TRIP4: variants seen among roughly 807,000 people sequenced by gnomAD.
TRIP4 encodes activating signal cointegrator 1.
Under a neutral mutation model 81.8 loss-of-function variants are expected in TRIP4, and 54 were observed. That is an observed-to-expected ratio of 0.66 (90% CI 0.53 to 0.83). The LOEUF (loss-of-function observed/expected upper bound fraction) is 0.83. TRIP4 is among the 40% of genes least tolerant of loss of function. The pLI, the probability that TRIP4 is intolerant of heterozygous loss-of-function variation, is 0.00. For missense variants in TRIP4, 662 were observed against 683.6 expected (o/e 0.97, Z 0.35); for synonymous variants, 270 against 242.8 (o/e 1.11, Z -1.04).
intron 1 of TRIP4, chr15:64,393,415 C>T (rs1253833703): frequency 6.6e-6 from 1 of 151,738 alleles, no homozygotes; most frequent in Non-Finnish European, 1.5e-5. Flanking sequence ...CCTCGGCCTC[C>T]CAAAGTGCTG....
intron 12 of TRIP4, chr15:64,450,651 C>G (rs1892737695): frequency 2.2e-6 from 1 of 455,674 alleles, no homozygotes; most frequent in Non-Finnish European, 4.4e-6. Context: ...TGGCAAATGT[C>G]TGATTTTTTT....
At chr15:64,392,905 G>A (rs940106738) in intron 1 of TRIP4, among the ~76,000 whole-genome samples, 7 of 151,946 alleles carry the variant, frequency 4.6e-5, no homozygotes, top group Admixed American at 2.6e-4. Context: ...ATGGGCTCCC[G>A]AACCCAGACA....
At chr15:64,388,253 G>T (rs1236677964) in intron 1 of TRIP4, among the ~76,000 whole-genome samples, 1 of 152,130 alleles carries the variant, frequency 6.6e-6, no homozygotes, top group Non-Finnish European at 1.5e-5. Context: ...CTAGAGAGAA[G>T]GGGCAGGTCA....
intron 10 of TRIP4, 146 bp from the exon 11 acceptor site, chr15:64,425,394 C>A: frequency 1.4e-6 from 1 of 716,676 alleles, no homozygotes; most frequent in Admixed American, 3.1e-5. Flanking sequence ...AACAGTTGTG[C>A]CAAGTAAATT....
intron 11 of TRIP4, among the ~76,000 whole-genome samples, chr15:64,436,626 T>TTCCCTAACCCCAGCCCATTTCC (rs1892406867): frequency 1.3e-5 from 2 of 150,654 alleles, no homozygotes; most frequent in African/African-American, 4.9e-5. Flanking sequence ...CTCTGAAGTC[T>TTCCCTAACCCCAGCCCATTTCC]TCCCTAACCC....
At position 64,387,904 on chromosome 15, in the gene TRIP4, A is replaced by G. The variant is rs560723106; in HGVS notation, c.41A>G (p.His14Arg). The G allele has an allele frequency of 1.2e-5, 18 of 1,550,426 alleles. No individual in the cohort carries two copies. The highest frequency in any genetic ancestry group is 2.0e-5 in the Admixed American group (1 of 50,942). Residue 14 changes from histidine to arginine, a missense_variant, in exon 1 of 13, where the codon CAC (histidine) becomes CGC (arginine). His to Arg is a conservative substitution (Grantham distance 29). Transcript: ENST00000261884. ...AGAVSGEPLV[H>R]WCTQQLRKTF... Reference sequence around the variant, plus strand: ...GCGGTGTCCGGGGAGCCGCTGGTGCACTGGTGCACCCAGCAGTTGCGGAAG... The same window carrying G: ...GCGGTGTCCGGGGAGCCGCTGGTGCGCTGGTGCACCCAGCAGTTGCGGAAG...
chr15:64,433,481 G>A (rs972966706), intron 11 of TRIP4, among the ~76,000 whole-genome samples: 4 of 152,146 alleles, frequency 2.6e-5, no homozygotes, highest in African/African-American at 9.7e-5. Context: ...ATGTGCACCT[G>A]TAATCCCAGC....
intron 4 of TRIP4, among the ~76,000 whole-genome samples, chr15:64,398,026 G>A (rs1405291449): frequency 6.6e-6 from 1 of 151,694 alleles, no homozygotes; most frequent in Admixed American, 6.6e-5. Flanking sequence ...TCAGCCTCCC[G>A]AGCAGCTGGA....
At chr15:64,398,092 G>A (rs769422195) in intron 4 of TRIP4, among the ~76,000 whole-genome samples, 1 of 151,952 alleles carries the variant, frequency 6.6e-6, no homozygotes, top group East Asian at 1.9e-4. Flanking sequence ...TATTAGAGAC[G>A]GGATTTTACA....
intron 11 of TRIP4, among the ~76,000 whole-genome samples, chr15:64,442,395 G>T (rs1437356700): frequency 3.9e-5 from 6 of 152,054 alleles, no homozygotes; most frequent in African/African-American, 1.4e-4. Flanking sequence ...TTGAGACAGG[G>T]TCTCACTCTG....
At chr15:64,429,103 C>G (rs1004144402) in intron 11 of TRIP4, among the ~76,000 whole-genome samples, 3 of 151,532 alleles carry the variant, frequency 2.0e-5, no homozygotes, top group African/African-American at 7.3e-5. Context: ...TCACTTGAGG[C>G]TAGGAGTTCG....
chr15:64,388,790 C>T (rs1900030322), intron 1 of TRIP4, among the ~76,000 whole-genome samples: 1 of 152,182 alleles, frequency 6.6e-6, no homozygotes, highest in Non-Finnish European at 1.5e-5. Context: ...CCCAGGACAA[C>T]TTAATTTTTC....
Position 64,387,872 on chromosome 15 carries a change from G to A in TRIP4, c.9G>A (p.Val3=), listed in dbSNP as rs1303238736. Residue 3 remains valine, a synonymous_variant, in exon 1 of 13, where the codon GTG becomes GTA. Coordinates refer to ENST00000261884, the MANE Select transcript of TRIP4 (RefSeq NM_016213.5). ...GGTTCCGGCTGGGGAAGATGGCGGT[G>A]GCTGGGGCGGTGTCCGGGGAGCCGC... is the stretch of plus-strand genomic sequence containing the variant. MA[V]AGAVSGEPLV... 6.5e-7 allele frequency: 1 copy of A among 1,546,578 alleles called. No individual in the cohort carries two copies. Among genetic ancestry groups the A allele is most frequent in the Non-Finnish European group, 8.7e-7 (1 of 1,146,794 alleles).
At chr15:64,400,846 T>A in intron 5 of TRIP4, 25 bp downstream of exon 5, 1 of 1,587,444 alleles carries the variant, frequency 6.3e-7, no homozygotes, top group Non-Finnish European at 8.6e-7. Flanking sequence ...TGTAATTGGA[T>A]CACTGGGATG....
Position 64,455,142 on chromosome 15 carries a change from A to G in TRIP4, c.*78A>G. ...CTATCTACTGGTCCTTTGGAATTGA[A>G]GTAGTAGAAACCTAAAGGCTTGGCG... On this transcript the variant is annotated 3_prime_UTR_variant, in exon 13 of 13. Coordinates refer to ENST00000261884, the MANE Select transcript of TRIP4 (RefSeq NM_016213.5). 1 of 1,321,214 alleles carries G rather than the reference A, an allele frequency of 7.6e-7. No individual in the cohort carries two copies. The highest frequency in any genetic ancestry group is 1.1e-6 in the Non-Finnish European group (1 of 936,170). 81.8% of individuals were successfully genotyped at this position (1,321,214 alleles called of 1,614,324 possible).
intron 1 of TRIP4, 166 bp downstream of exon 1, chr15:64,388,130 T>C: frequency 8.0e-7 from 1 of 1,242,952 alleles, no homozygotes; most frequent in Non-Finnish European, 1.0e-6. Flanking sequence ...GTAGTTTAGT[T>C]TCTGGAATAG....
intron 4 of TRIP4, among the ~76,000 whole-genome samples, chr15:64,398,778 A>G (rs1900370052): frequency 6.6e-6 from 1 of 152,128 alleles, no homozygotes; most frequent in Admixed American, 6.6e-5. Context: ...ATGCAGTGAT[A>G]ATGACTCACA....
In TRIP4 at chr15:64,423,395, G is replaced by A. The variant is rs146591086; in HGVS notation, c.1359-636G>A. ...GGAGAATCGCTTGAACCCAGGAGGC[G>A]GAGGTTGCAGTGAGCCGAGGTCGCG... On this transcript the variant is annotated intron_variant, in intron 9 of 12. Transcript: ENST00000261884. 4.0e-4 allele frequency among the ~76,000 whole-genome samples: 60 copies of A among 150,364 alleles called. No homozygotes were observed. In the East Asian group the frequency reaches 0.011, roughly 27 times the overall value.
chr15:64,449,307 G>T (rs1227179511), intron 12 of TRIP4, among the ~76,000 whole-genome samples: 1 of 149,648 alleles, frequency 6.7e-6, no homozygotes, highest in Non-Finnish European at 1.5e-5. Context: ...TTTTTTGTGG[G>T]ATGTCTTAGG....
Sources: allele counts gnomAD v4.1 joint callset (sites outside exome capture counted in the v4.1 genomes callset), GRCh38; gene constraint gnomAD v4.1.1; transcripts MANE v1.5; gene names NCBI Gene and HGNC (gene_info 2026-07-23, HGNC 2026-07-21).